Variants in INSR observed in about 807,000 individuals in gnomAD.
INSR encodes the protein insulin receptor.
In INSR, 67 loss-of-function variants were observed where a neutral mutation model predicts 142.6. The ratio of observed to expected loss-of-function variants is 0.47; its 90% confidence interval spans 0.39 to 0.58. The LOEUF is 0.58. Among genes scored for constraint, INSR ranks in the 20% least tolerant of loss-of-function variants. INSR has a pLI of 0.00. For synonymous variants in INSR, 756 were observed against 743.1 expected, an observed-to-expected ratio of 1.02 and a Z score of -0.28; for missense variants, 1,248 against 1,833.2, an observed-to-expected ratio of 0.68 and a Z score of 5.83.
In INSR at chr19:7,192,288, A is replaced by G. The variant is rs1307052044; in HGVS notation, c.653-7651T>C. ...AAAAGAAAAGAAAAGAAAAGAAAAGAAAAGAAAAGAAAAGAAAAGAAAAAA... is the reference window on the plus strand; with the variant it reads ...AAAAGAAAAGAAAAGAAAAGAAAAGGAAAGAAAAGAAAAGAAAAGAAAAAA... On this transcript the variant is annotated intron_variant, in intron 2 of 21. Coordinates refer to ENST00000302850, the MANE Select transcript of INSR (RefSeq NM_000208.4). The surrounding 1 kb of genome is among the most constrained non-coding windows in gnomAD (Gnocchi z 4.2). 2.0e-5 allele frequency among the ~76,000 whole-genome samples: 3 copies of G among 148,612 alleles called. No homozygotes were observed. The highest frequency in any genetic ancestry group is 4.5e-5 in the Non-Finnish European group (3 of 67,406).
chr19:7,197,121 G>A (rs999225026), intron 2 of INSR, among the ~76,000 whole-genome samples: 4 of 152,196 alleles, frequency 2.6e-5, no homozygotes, highest in African/African-American at 7.2e-5. Flanking sequence ...CAGCAGCGAC[G>A]ACCGCAGGAG....
intron 2 of INSR, among the ~76,000 whole-genome samples, chr19:7,255,505 CTTTTT>C (rs55764352): frequency 7.4e-6 from 1 of 135,112 alleles, no homozygotes; most frequent in Non-Finnish European, 1.6e-5. Flanking sequence ...CCTGTCTTTT[CTTTTT>C]TTTTTTTTTT....
chr19:7,279,664 G>A (rs1968153510), intron 1 of INSR, among the ~76,000 whole-genome samples: 1 of 151,826 alleles, frequency 6.6e-6, no homozygotes, highest in Non-Finnish European at 1.5e-5. Context: ...TGCAGGAAAG[G>A]TAGCACGGAG....
chr19:7,127,430 T>G (rs1344294767), intron 15 of INSR, among the ~76,000 whole-genome samples: 1 of 152,208 alleles, frequency 6.6e-6, no homozygotes, highest in East Asian at 1.9e-4. Context: ...TAAATTATCC[T>G]AAAAGCAAAG....
rs1375255118 is a variant in INSR at position 7,207,948 on chromosome 19, G to GGAAGGGAA, written c.653-23312_653-23311insTTCCCTTC. On this transcript the variant is annotated intron_variant, in intron 2 of 21. Coordinates refer to ENST00000302850, the MANE Select transcript of INSR (RefSeq NM_000208.4). ...AGGAAGGAAGGAAGGAAGGGAAGGA[G>GGAAGGGAA]GGAGGGAGGGAGGGAGGGAGGCAAA... Among the ~76,000 whole-genome samples, 574 of 123,982 alleles carry GGAAGGGAA rather than the reference G, an allele frequency of 4.6e-3. 3 individuals carry two copies. The highest frequency in any genetic ancestry group is 8.4e-3 in the African/African-American group (240 of 28,412). 81.3% of individuals were successfully genotyped at this position (123,982 alleles called of 152,430 possible). A position where few individuals can be genotyped will look rare whatever the true frequency, so the allele number is the denominator to read the frequency against.
chr19:7,246,678 C>T (rs1207622823), intron 2 of INSR, among the ~76,000 whole-genome samples: 1 of 152,152 alleles, frequency 6.6e-6, no homozygotes, highest in Non-Finnish European at 1.5e-5. Context: ...GTGGATACAA[C>T]AAGTTCCCAG....
intron 2 of INSR, among the ~76,000 whole-genome samples, chr19:7,197,977 C>T (rs28695870): frequency 0.19 from 26,480 of 140,234 alleles, 2,733 homozygotes; most frequent in Non-Finnish European, 0.23. Context: ...TGTGTGTCCC[C>T]ATGGTGGGAG....
intron 2 of INSR, among the ~76,000 whole-genome samples, chr19:7,198,548 C>T (rs1974857749): frequency 6.6e-6 from 1 of 152,138 alleles, no homozygotes. Flanking sequence ...CCCGGGACTG[C>T]CGAGGGGCCC....
chr19:7,275,620 T>C (rs1011555759), intron 1 of INSR, among the ~76,000 whole-genome samples: 2 of 151,784 alleles, frequency 1.3e-5, no homozygotes, highest in African/African-American at 4.8e-5. Flanking sequence ...CCGTCTCTAC[T>C]AAAAATACAA....
intron 13 of INSR, among the ~76,000 whole-genome samples, chr19:7,139,318 A>G (rs549125591): frequency 6.6e-6 from 1 of 152,346 alleles, no homozygotes; most frequent in South Asian, 2.1e-4. Context: ...GAACTGACTG[A>G]AACAATAACT....
intron 2 of INSR, among the ~76,000 whole-genome samples, chr19:7,191,440 C>T (rs1462648266): frequency 6.6e-6 from 1 of 152,122 alleles, no homozygotes; most frequent in Non-Finnish European, 1.5e-5. Flanking sequence ...GTCCTCTAAA[C>T]TGGTGCTGGA....
At chr19:7,179,631 T>A (rs1032159551) in intron 3 of INSR, among the ~76,000 whole-genome samples, 1 of 152,200 alleles carries the variant, frequency 6.6e-6, no homozygotes, top group African/African-American at 2.4e-5. Flanking sequence ...TATGGCCACA[T>A]TTATTGGTTA....
chr19:7,149,930 AAAGAAAGAAGG>A lies in INSR; in HGVS notation c.2267+556_2267+566del, dbSNP rs1973287836. Among the ~76,000 whole-genome samples, 3 of 139,902 alleles carry A rather than the reference AAAGAAAGAAGG, an allele frequency of 2.1e-5. No homozygotes were observed. In the Admixed American group the frequency reaches 2.3e-4, roughly 11 times the overall value. The allele number at this position is 139,902 out of a possible 152,430, so 91.8% of individuals were successfully genotyped here. On this transcript the variant is annotated intron_variant, in intron 11 of 21. Coordinates refer to ENST00000302850, the MANE Select transcript of INSR (RefSeq NM_000208.4). The stretch of plus-strand genomic sequence containing the variant: ...GAAGGAAAGAAAGAAAGAAGGAAAA[AAAGAAAGAAGG>A]AAGGAAGGAAGGAAGGAAGGAAGGA...
At chr19:7,250,379 GAGGA>G (rs1329781203) in intron 2 of INSR, among the ~76,000 whole-genome samples, 3 of 110,848 alleles carry the variant, frequency 2.7e-5, no homozygotes, top group Non-Finnish European at 5.9e-5. Context: ...AGGAGGGAGA[GAGGA>G]AGGGAGAGAA....
intron 21 of INSR, among the ~76,000 whole-genome samples, chr19:7,117,907 G>A (rs564699717): frequency 7.4e-6 from 1 of 135,206 alleles, no homozygotes; most frequent in African/African-American, 3.0e-5. Context: ...ATGCCTGGCC[G>A]CTTTTTTTTT....
chr19:7,176,046 T>G (rs971779110), intron 3 of INSR, among the ~76,000 whole-genome samples: 1 of 152,142 alleles, frequency 6.6e-6, no homozygotes, highest in Non-Finnish European at 1.5e-5. Flanking sequence ...AGTGATGGGA[T>G]TCACACCATA....
chr19:7,163,925 T>TAAACAAAAAA (rs1973823841), intron 8 of INSR, among the ~76,000 whole-genome samples: 1 of 44,588 alleles, frequency 2.2e-5, no homozygotes, highest in African/African-American at 1.2e-4. Flanking sequence ...CTATCTCTAC[T>TAAACAAAAAA]AAAAAAAAAA....
chr19:7,268,153 C>T (rs1201302904), intron 1 of INSR, among the ~76,000 whole-genome samples: 2 of 152,104 alleles, frequency 1.3e-5, no homozygotes, highest in African/African-American at 2.4e-5. Context: ...ATCACCACCT[C>T]TGAAATGATG....
intron 1 of INSR, among the ~76,000 whole-genome samples, chr19:7,282,862 A>G (rs1027885914): frequency 6.6e-6 from 1 of 151,456 alleles, no homozygotes; most frequent in Admixed American, 6.6e-5. Flanking sequence ...AGTCCCTGCT[A>G]CTCAGGAGGC....
Sources: allele counts gnomAD v4.1 joint callset (sites outside exome capture counted in the v4.1 genomes callset), GRCh38; gene constraint gnomAD v4.1.1; non-coding constraint Gnocchi (gnomAD v3.1); transcripts MANE v1.5; gene names NCBI Gene and HGNC (gene_info 2026-07-23, HGNC 2026-07-21).